Variants in PLEKHF1 observed in about 807,000 individuals in gnomAD.
PLEKHF1 encodes the protein pleckstrin homology and FYVE domain containing 1.
A neutral mutation model predicts 4.1 loss-of-function variants in PLEKHF1; 1 was observed. The observed-to-expected ratio is 0.24, with a 90% CI of 0.09 to 1.15. PLEKHF1 has a LOEUF of 1.15. Among genes scored for constraint, PLEKHF1 ranks in the 50% most tolerant of loss-of-function variants. The probability of loss-of-function intolerance (pLI) is 0.52; values close to 1 mark genes in which losing one functional copy is unlikely to be tolerated. For synonymous variants in PLEKHF1, 182 were observed against 178.5 expected, an observed-to-expected ratio of 1.02 and a Z score of -0.16; for missense variants, 429 against 400.6, an observed-to-expected ratio of 1.07 and a Z score of -0.60.
intron 1 of PLEKHF1, among the ~76,000 whole-genome samples, chr19:29,673,118 G>T (rs904782623): frequency 1.3e-5 from 2 of 152,158 alleles, no homozygotes; most frequent in African/African-American, 4.8e-5. Context: ...AGATAGTCAC[G>T]CTTGGCTGAC....
chr19:29,665,611 C>T, intron 1 of PLEKHF1, 106 bp downstream of exon 1: 1 of 1,189,534 alleles, frequency 8.4e-7, no homozygotes, highest in Non-Finnish European at 1.1e-6. Flanking sequence ...TCCCGCCGCG[C>T]GGTCTTGGCG....
In PLEKHF1 at chr19:29,665,995, G is replaced by A. The variant is rs183582611; in HGVS notation, c.-17+490G>A. 2.6e-4 allele frequency among the ~76,000 whole-genome samples: 39 copies of A among 152,236 alleles called. No individual in the cohort carries two copies. The East Asian group carries it at 7.0e-3, about 27-fold the overall frequency. The stretch of plus-strand genomic sequence containing the variant: ...GCGCTGGGGTCCCAGTTCCTCTGGA[G>A]CAGTTGAGTTTGTGATTCTTGGTGG... On this transcript the variant is annotated intron_variant, in intron 1 of 1. Transcript: ENST00000436066.
intron 1 of PLEKHF1, among the ~76,000 whole-genome samples, chr19:29,670,682 C>CTT (rs914357006): frequency 1.4e-5 from 2 of 145,610 alleles, no homozygotes. Context: ...TGTTTTTAAC[C>CTT]TTTTTTTTTT....
In PLEKHF1 at chr19:29,671,306, A is replaced by C. The variant is rs935345507; in HGVS notation, c.-16-2518A>C. ...TTATTCATAGATATAGTTCTTGAAC[A>C]CTTTCAGAATGTTATGTAATTCCTG... On this transcript the variant is annotated intron_variant, in intron 1 of 1. Transcript: ENST00000436066. The surrounding 1 kb of genome is among the most constrained non-coding windows in gnomAD (Gnocchi z 4.0). 1.3e-5 allele frequency among the ~76,000 whole-genome samples: 2 copies of C among 152,084 alleles called. No individual in the cohort carries two copies. The highest frequency in any genetic ancestry group is 4.8e-5 in the African/African-American group (2 of 41,420).
rs977698273 is a variant in PLEKHF1, at chr19:29,671,445, C to T, written c.-16-2379C>T. ...GTATCTCTCATTGCGTGAGTAGCCC[C>T]GGGTTTTTATCCTTTTCCCTGCTGG... is the stretch of plus-strand genomic sequence containing the variant. On this transcript the variant is annotated intron_variant, in intron 1 of 1. Coordinates refer to ENST00000436066, the MANE Select transcript of PLEKHF1 (RefSeq NM_024310.5). The surrounding 1 kb of genome is among the most constrained non-coding windows in gnomAD (Gnocchi z 4.0). Among the ~76,000 whole-genome samples the T allele has an allele frequency of 1.3e-5, 2 of 152,118 alleles. No homozygotes were observed. Among genetic ancestry groups the T allele is most frequent in the African/African-American group, 2.4e-5 (1 of 41,404 alleles).
In PLEKHF1 at chr19:29,667,540, C is replaced by T. The variant is rs143444503; in HGVS notation, c.-17+2035C>T. On this transcript the variant is annotated intron_variant, in intron 1 of 1. Coordinates refer to ENST00000436066, the MANE Select transcript of PLEKHF1 (RefSeq NM_024310.5). ...AAAGTCCAAAGGGCTGAGCTGCCCC[C>T]AGAACTCTGATTCCCTTGGTGACCC... 1.2e-3 allele frequency among the ~76,000 whole-genome samples: 187 copies of T among 152,304 alleles called. 1 individual carries two copies. The highest frequency in any genetic ancestry group is 4.4e-3 in the African/African-American group (182 of 41,574).
chr19:29,675,072 C>A lies in PLEKHF1; in HGVS notation c.*393C>A. On this transcript the variant is annotated 3_prime_UTR_variant, in exon 2 of 2. Coordinates refer to ENST00000436066, the MANE Select transcript of PLEKHF1 (RefSeq NM_024310.5). The stretch of plus-strand genomic sequence containing the variant: ...AGTGTAGCCACAGAACCCACCTGCA[C>A]CCTGACAGGCACACCCCACTGAAGA... 1.1e-5 allele frequency: 2 copies of A among 189,616 alleles called. No homozygotes were observed. The allele number at this position is 189,616 out of a possible 1,614,324, so 11.7% of individuals were successfully genotyped here. A position where few individuals can be genotyped will look rare whatever the true frequency, so the allele number is the denominator to read the frequency against.
In PLEKHF1 at chr19:29,674,578, G is replaced by T. The variant is rs750018420; in HGVS notation, c.739G>T (p.Asp247Tyr). 4.4e-6 allele frequency: 7 copies of T among 1,602,946 alleles called. No individual in the cohort carries two copies. Among genetic ancestry groups the T allele is most frequent in the African/African-American group, 1.3e-5 (1 of 74,704 alleles). ...PICGASSGDD[D>Y]DSDEDKEGSR... is the part of the protein sequence containing the mutation. ...CTGCGGAGCGTCCAGTGGAGATGAC[G>T]ATGACTCCGACGAGGACAAGGAGGG... Residue 247 changes from aspartate to tyrosine, a missense_variant, in exon 2 of 2, where the codon GAT becomes TAT. Transcript: ENST00000436066.
At chr19:29,670,125 T>C (rs1314827871) in intron 1 of PLEKHF1, among the ~76,000 whole-genome samples, 2 of 152,034 alleles carry the variant, frequency 1.3e-5, no homozygotes, top group African/African-American at 4.8e-5. Flanking sequence ...AGAGACAGGG[T>C]TTCACCATAT....
chr19:29,674,590 G>A lies in PLEKHF1; in HGVS notation c.751G>A (p.Glu251Lys), dbSNP rs531732264. The A allele has an allele frequency of 1.9e-6, 3 of 1,605,972 alleles. No individual in the cohort carries two copies. Among genetic ancestry groups the A allele is most frequent in the African/African-American group, 1.3e-5 (1 of 74,920 alleles). Residue 251 changes from glutamate (E) to lysine (K), a missense_variant, in exon 2 of 2, where the codon GAG becomes AAG. Coordinates refer to ENST00000436066, the MANE Select transcript of PLEKHF1 (RefSeq NM_024310.5). ...CAGTGGAGATGACGATGACTCCGAC[G>A]AGGACAAGGAGGGCAGCAGGGACGG... ...ASSGDDDDSD[E>K]DKEGSRDGDW...
chr19:29,669,538 G>A (rs1971606558), intron 1 of PLEKHF1, among the ~76,000 whole-genome samples: 1 of 152,158 alleles, frequency 6.6e-6, no homozygotes, highest in Non-Finnish European at 1.5e-5. Context: ...CACCCTATCA[G>A]GCCCAGCCAG....
chr19:29,674,371 T>G lies in PLEKHF1; in HGVS notation c.532T>G (p.Cys178Gly), dbSNP rs1971675124. The change falls in exon 2 of 2, where the codon TGC becomes GGC. Residue 178 changes from cysteine to glycine, a missense_variant. Physicochemically the swap from Cys to Gly is radical, Grantham distance 159. Coordinates refer to ENST00000436066, the MANE Select transcript of PLEKHF1 (RefSeq NM_024310.5). ...CACGAGGCGCCACCACTGCCGCAAG[T>G]GCGGCTTCGTGGTCTGCGCTGAGTG... ...ALTRRHHCRKCGFVVCAECSR... is the reference protein window; with the variant it reads ...ALTRRHHCRKGGFVVCAECSR... The G allele has an allele frequency of 2.6e-6, 4 of 1,537,856 alleles. No individual in the cohort carries two copies. In the African/African-American group the frequency reaches 4.1e-5, roughly 16 times the overall value.
intron 1 of PLEKHF1, among the ~76,000 whole-genome samples, chr19:29,670,866 G>C (rs1421088770): frequency 5.3e-5 from 8 of 151,882 alleles, no homozygotes; most frequent in African/African-American, 1.9e-4. Flanking sequence ...TTAAGAGACA[G>C]AGTTTCACCG....
In PLEKHF1 at chr19:29,674,735, G is replaced by A; in HGVS notation, c.*56G>A. 6.6e-7 allele frequency: 1 copy of A among 1,522,866 alleles called. No individual in the cohort carries two copies. The highest frequency in any genetic ancestry group is 2.3e-5 in the East Asian group (1 of 43,254). The allele number at this position is 1,522,866 out of a possible 1,614,324, so 94.3% of individuals were successfully genotyped here. A position where few individuals can be genotyped will look rare whatever the true frequency, so the allele number is the denominator to read the frequency against. On this transcript the variant is annotated 3_prime_UTR_variant, in exon 2 of 2. Coordinates refer to ENST00000436066, the MANE Select transcript of PLEKHF1 (RefSeq NM_024310.5). ...CCAGCTCCACTGCCCAGGCCCCCAAGAGGGCAGCTCCAGAAGCTGCCCAGG... is the reference window on the plus strand; with the variant it reads ...CCAGCTCCACTGCCCAGGCCCCCAAAAGGGCAGCTCCAGAAGCTGCCCAGG...
At chr19:29,665,577 C>T in intron 1 of PLEKHF1, 72 bp downstream of exon 1, 1 of 1,243,276 alleles carries the variant, frequency 8.0e-7, no homozygotes, top group South Asian at 1.3e-5. Flanking sequence ...TCTCCCATCA[C>T]CACCCCCGGA....
At chr19:29,666,714 C>T (rs1971573246) in intron 1 of PLEKHF1, among the ~76,000 whole-genome samples, 6 of 152,228 alleles carry the variant, frequency 3.9e-5, no homozygotes, top group Admixed American at 3.9e-4. Context: ...CAGCAGGGAC[C>T]TTGGGCAGTG....
In PLEKHF1 at chr19:29,671,129, T is replaced by A. The variant is rs907282134; in HGVS notation, c.-16-2695T>A. Among the ~76,000 whole-genome samples, 1 of 150,874 alleles carries A rather than the reference T, an allele frequency of 6.6e-6. No individual in the cohort carries two copies. Among genetic ancestry groups the A allele is most frequent in the African/African-American group, 2.4e-5 (1 of 40,970 alleles). ...CTTTTTTTTTTTTTGAGATGGAATC[T>A]CACTCTGTCACACAGGCTGGAGTGC... On this transcript the variant is annotated intron_variant, in intron 1 of 1. Coordinates refer to ENST00000436066, the MANE Select transcript of PLEKHF1 (RefSeq NM_024310.5). The surrounding 1 kb of genome is among the most constrained non-coding windows in gnomAD (Gnocchi z 4.0).
intron 1 of PLEKHF1, among the ~76,000 whole-genome samples, chr19:29,668,839 G>A (rs552126570): frequency 1.4e-4 from 21 of 152,264 alleles, no homozygotes. Flanking sequence ...TGGTCATGTA[G>A]AGAAGGTGAG....
At chr19:29,670,431 A>T (rs1318369957) in intron 1 of PLEKHF1, among the ~76,000 whole-genome samples, 3 of 152,212 alleles carry the variant, frequency 2.0e-5, no homozygotes, top group African/African-American at 7.2e-5. Flanking sequence ...CTCAGGGCTC[A>T]TTCGTGTTGT....
Sources: allele counts gnomAD v4.1 joint callset (sites outside exome capture counted in the v4.1 genomes callset), GRCh38; gene constraint gnomAD v4.1.1; non-coding constraint Gnocchi (gnomAD v3.1); transcripts MANE v1.5; gene names NCBI Gene and HGNC (gene_info 2026-07-23, HGNC 2026-07-21).